The following NAALADL2 variants were observed in gnomAD, a reference collection of about 807,000 sequenced individuals.
The protein encoded by NAALADL2 is N-acetylated alpha-linked acidic dipeptidase like 2, also known as inactive N-acetylated-alpha-linked acidic dipeptidase-like protein 2.
Under a neutral mutation model 87.2 loss-of-function variants are expected in NAALADL2, and 76 were observed. The ratio of observed to expected loss-of-function variants is 0.87; its 90% CI spans 0.72 to 1.05. The LOEUF (loss-of-function observed/expected upper bound fraction) is 1.05, where lower values mean the gene tolerates loss of function less well. NAALADL2 is among the 50% of genes least tolerant of loss of function. The pLI, the probability that NAALADL2 is intolerant of heterozygous loss-of-function variation, is 0.00. For synonymous variants in NAALADL2, 354 were observed against 331.0 expected (o/e 1.07, Z -0.75); for missense variants, 1,089 against 945.8 (o/e 1.15, Z -1.99).
chr3:175,700,925 A>G (rs573952010), intron 11 of NAALADL2, among the ~76,000 whole-genome samples: 3 of 152,260 alleles, frequency 2.0e-5, no homozygotes, highest in African/African-American at 7.2e-5. Context: ...AACCATCAAG[A>G]AAATTTTAGG....
rs907092432 is a variant in NAALADL2 at position 175,806,621 on chromosome 3, T to C, written c.*3418T>C. 6.6e-6 allele frequency: 1 copy of C among 151,504 alleles called. No homozygotes were observed. Among genetic ancestry groups the C allele is most frequent in the African/African-American group, 2.4e-5 (1 of 41,296 alleles). The allele number at this position is 151,504 out of a possible 1,614,324, so 9.4% of individuals were successfully genotyped here. On this transcript the variant is annotated 3_prime_UTR_variant, in exon 14 of 14. Transcript: ENST00000454872. ...CCCATTTTATCTCTAAGAAAACAATTCAGTTGCAGCTTATATTTGTGCCTG... is the reference window on the plus strand; with the variant it reads ...CCCATTTTATCTCTAAGAAAACAATCCAGTTGCAGCTTATATTTGTGCCTG...
At chr3:175,036,192 C>T (rs540933344) in intron 1 of NAALADL2, among the ~76,000 whole-genome samples, 6 of 152,112 alleles carry the variant, frequency 3.9e-5, no homozygotes, top group African/African-American at 1.2e-4. Context: ...TGATTATTAA[C>T]TTCGTTTATC....
intron 2 of NAALADL2, among the ~76,000 whole-genome samples, chr3:174,722,617 G>A (rs1415219628): frequency 6.6e-6 from 1 of 152,110 alleles, no homozygotes; most frequent in Non-Finnish European, 1.5e-5. Flanking sequence ...CAGGAGAATC[G>A]CTTGAACTCA....
At chr3:175,174,362 T>G (rs1735358124) in intron 2 of NAALADL2, among the ~76,000 whole-genome samples, 1 of 152,178 alleles carries the variant, frequency 6.6e-6, no homozygotes, top group Non-Finnish European at 1.5e-5. Flanking sequence ...TATTGGGCAT[T>G]AGCACATCTT....
chr3:174,647,461 GTTTGAGCTAC>G (rs1210206023), intron 2 of NAALADL2, among the ~76,000 whole-genome samples: 1 of 152,182 alleles, frequency 6.6e-6, no homozygotes, highest in Non-Finnish European at 1.5e-5. Flanking sequence ...AAGTAACTTG[GTTTGAGCTAC>G]TTTGGGCATA....
intron 2 of NAALADL2, among the ~76,000 whole-genome samples, chr3:175,199,731 T>A: frequency 7.2e-6 from 1 of 139,728 alleles, no homozygotes; most frequent in Admixed American, 7.6e-5. Flanking sequence ...CTCACATGTG[T>A]TTCTCCTTGT....
upstream of NAALADL2, among the ~76,000 whole-genome samples, chr3:174,855,644 A>G (rs1210519341): frequency 6.6e-6 from 1 of 151,552 alleles, no homozygotes; most frequent in Non-Finnish European, 1.5e-5. Flanking sequence ...ACCCTTTCTG[A>G]TGATGGTAAT....
chr3:175,693,826 G>C (rs1220279181), intron 11 of NAALADL2, among the ~76,000 whole-genome samples: 1 of 152,092 alleles, frequency 6.6e-6, no homozygotes, highest in Non-Finnish European at 1.5e-5. Context: ...AGCCTCCCAA[G>C]TAGCTTGGAC....
At chr3:175,175,121 C>T (rs1209118858) in intron 2 of NAALADL2, among the ~76,000 whole-genome samples, 2 of 151,768 alleles carry the variant, frequency 1.3e-5, no homozygotes, top group African/African-American at 4.8e-5. Context: ...CCAGTAAAGA[C>T]TTGGTTTGGG....
At chr3:174,608,959 T>G (rs1416515478) in intron 2 of NAALADL2, among the ~76,000 whole-genome samples, 2 of 151,542 alleles carry the variant, frequency 1.3e-5, no homozygotes, top group Non-Finnish European at 3.0e-5. Context: ...AAAAAGCTTA[T>G]CCACCATGAT....
intron 2 of NAALADL2, among the ~76,000 whole-genome samples, chr3:174,581,077 G>C (rs1410786711): frequency 6.6e-6 from 1 of 152,096 alleles, no homozygotes; most frequent in Non-Finnish European, 1.5e-5. Flanking sequence ...TAGAATGATG[G>C]CATGGGAAGC....
chr3:175,418,607 T>C (rs1247195012), intron 5 of NAALADL2, among the ~76,000 whole-genome samples: 1 of 152,108 alleles, frequency 6.6e-6, no homozygotes, highest in Non-Finnish European at 1.5e-5. Flanking sequence ...TTTCTCATTA[T>C]CCGTGGAAGA....
At chr3:175,352,866 A>C (rs1390185893) in intron 5 of NAALADL2, among the ~76,000 whole-genome samples, 1 of 151,868 alleles carries the variant, frequency 6.6e-6, no homozygotes, top group Admixed American at 6.6e-5. Context: ...AAAGACAAGA[A>C]GAATCTTTCG....
chr3:175,412,808 C>A (rs1052989797), intron 5 of NAALADL2, among the ~76,000 whole-genome samples: 1 of 150,674 alleles, frequency 6.6e-6, no homozygotes, highest in African/African-American at 2.4e-5. Context: ...TGAAATTATC[C>A]ATCTGATTAT....
At chr3:175,658,027 A>G (rs905635173) in intron 11 of NAALADL2, among the ~76,000 whole-genome samples, 2 of 152,054 alleles carry the variant, frequency 1.3e-5, no homozygotes, top group African/African-American at 2.4e-5. Context: ...GTATGCATAC[A>G]CATATTTTTA....
At chr3:175,797,056 C>G (rs990901857) in intron 13 of NAALADL2, among the ~76,000 whole-genome samples, 1 of 151,484 alleles carries the variant, frequency 6.6e-6, no homozygotes, top group African/African-American at 2.4e-5. Context: ...AATTAGGTTT[C>G]TGAGTTTGGC....
intron 1 of NAALADL2, chr3:174,536,678 C>A (rs895537888): frequency 2.6e-5 from 4 of 152,084 alleles, no homozygotes; most frequent in African/African-American, 9.7e-5. Flanking sequence ...TTTTATTCAA[C>A]CCTAGGTAAG....
At chr3:174,873,199 G>C (rs911795553) in intron 1 of NAALADL2, among the ~76,000 whole-genome samples, 10 of 148,454 alleles carry the variant, frequency 6.7e-5, no homozygotes, top group Non-Finnish European at 7.5e-5. Flanking sequence ...CTCTCTGTCT[G>C]TCTCTCTCTC....
chr3:174,809,402 C>G (rs1005287718), intron 3 of NAALADL2, among the ~76,000 whole-genome samples: 40 of 152,092 alleles, frequency 2.6e-4, no homozygotes, highest in African/African-American at 9.7e-4. Flanking sequence ...ATAATATAGG[C>G]AAGAATCTAG....
Sources: allele counts gnomAD v4.1 joint callset (sites outside exome capture counted in the v4.1 genomes callset), GRCh38; gene constraint gnomAD v4.1.1; transcripts MANE v1.5; gene names NCBI Gene and HGNC (gene_info 2026-07-23, HGNC 2026-07-21).